Variants in SNAP91 observed in about 807,000 individuals in gnomAD.
The protein encoded by SNAP91 is clathrin coat assembly protein AP180.
In SNAP91, 27 loss-of-function variants were observed where a neutral mutation model predicts 100.3. The observed-to-expected ratio is 0.27, with a 90% CI of 0.20 to 0.37. SNAP91 has a LOEUF of 0.37. Ranked by LOEUF, SNAP91 falls within the 10% of genes least tolerant of loss-of-function variation. SNAP91 has a pLI of 1.00. For synonymous variants in SNAP91, 404 were observed against 398.6 expected (o/e 1.01, Z -0.16); for missense variants, 986 against 1,123.7 (o/e 0.88, Z 1.75).
chr6:83,660,854 C>T (rs947211289), intron 5 of SNAP91, among the ~76,000 whole-genome samples: 1 of 151,730 alleles, frequency 6.6e-6, no homozygotes, highest in Non-Finnish European at 1.5e-5. Flanking sequence ...ACATAGCTCA[C>T]TGTAGCCTCA....
chr6:83,655,229 T>C (rs1303616696), intron 7 of SNAP91, among the ~76,000 whole-genome samples: 2 of 152,200 alleles, frequency 1.3e-5, no homozygotes, highest in African/African-American at 2.4e-5. Context: ...TTTTGTACCT[T>C]GCACTCTTTG....
chr6:83,675,075 C>T (rs1192037262), intron 2 of SNAP91, among the ~76,000 whole-genome samples: 1 of 151,992 alleles, frequency 6.6e-6, no homozygotes, highest in Non-Finnish European at 1.5e-5. Flanking sequence ...TAAATGAGAA[C>T]AAAGGAGGGG....
At chr6:83,586,336 A>G (rs1006157270) in intron 22 of SNAP91, among the ~76,000 whole-genome samples, 1 of 152,214 alleles carries the variant, frequency 6.6e-6, no homozygotes, top group African/African-American at 2.4e-5. Flanking sequence ...TGGTTAAGAG[A>G]ACAAATGCAA....
chr6:83,634,479 G>T (rs1203675771), intron 8 of SNAP91, among the ~76,000 whole-genome samples: 1 of 152,108 alleles, frequency 6.6e-6, no homozygotes, highest in East Asian at 1.9e-4. Flanking sequence ...TTTCTTCAGG[G>T]AGTCTGTGGG....
At position 83,708,934 on chromosome 6, in the gene SNAP91, T is replaced by C. The variant is rs217282; in HGVS notation, c.-120A>G. 0.96 allele frequency: 146,689 copies of C among 152,088 alleles called. 70,757 individuals carry two copies. The highest frequency in any genetic ancestry group is 0.97 in the African/African-American group (40,408 of 41,522). The allele number at this position is 152,088 out of a possible 1,614,324, so 9.4% of individuals were successfully genotyped here. A position where few individuals can be genotyped will look rare whatever the true frequency, so the allele number is the denominator to read the frequency against. On this transcript the variant is annotated 5_prime_UTR_variant, in exon 1 of 30. Transcript: ENST00000369694. ...GCCGGTGGATGTGTGCGACCGCGCG[T>C]AGCCCCGGTGCCCCCGGGCGCAAAG...
Position 83,568,473 on chromosome 6 carries a change from A to T in SNAP91, c.2442+6537T>A, listed in dbSNP as rs897535326. On this transcript the variant is annotated intron_variant, in intron 26 of 29. Transcript: ENST00000369694. ...AGAAACCTGCACGTTGTGCACATTA[A>T]AGTATAATAATAATAATAATAATAA... Among the ~76,000 whole-genome samples, 16 of 79,796 alleles carry T rather than the reference A, an allele frequency of 2.0e-4. No individual in the cohort carries two copies. In the East Asian group the frequency reaches 7.1e-3, roughly 35 times the overall value. 52.3% of individuals were successfully genotyped at this position (79,796 alleles called of 152,430 possible).
intron 8 of SNAP91, among the ~76,000 whole-genome samples, chr6:83,629,145 T>A (rs2097101351): frequency 6.6e-6 from 1 of 152,080 alleles, no homozygotes; most frequent in Non-Finnish European, 1.5e-5. Flanking sequence ...TTGTTTTTGT[T>A]GGCTTTGTTG....
intron 2 of SNAP91, among the ~76,000 whole-genome samples, chr6:83,680,857 C>G (rs779590137): frequency 2.6e-5 from 4 of 152,104 alleles, no homozygotes; most frequent in African/African-American, 9.7e-5. Context: ...TGTTTGCCTA[C>G]AGTAAGAATT....
At chr6:83,596,718 ATGT>A (rs1208450394) in intron 16 of SNAP91, among the ~76,000 whole-genome samples, 2 of 151,900 alleles carry the variant, frequency 1.3e-5, no homozygotes, top group African/African-American at 4.8e-5. Context: ...TCAAAACATC[ATGT>A]TGTACATTAT....
intron 2 of SNAP91, among the ~76,000 whole-genome samples, chr6:83,684,392 C>A (rs1160130851): frequency 3.3e-5 from 5 of 152,176 alleles, no homozygotes; most frequent in Non-Finnish European, 7.3e-5. Flanking sequence ...ACAAGAACCC[C>A]CATGCTCTTT....
chr6:83,577,462 A>G (rs1172167417), intron 24 of SNAP91, among the ~76,000 whole-genome samples: 1 of 152,224 alleles, frequency 6.6e-6, no homozygotes, highest in African/African-American at 2.4e-5. Context: ...ATGCCTGTTC[A>G]TGTGAAAAAG....
At chr6:83,587,206 T>A (rs1582523045) in intron 22 of SNAP91, among the ~76,000 whole-genome samples, 1 of 152,160 alleles carries the variant, frequency 6.6e-6, no homozygotes, top group South Asian at 2.1e-4. Flanking sequence ...TTTAATTATA[T>A]CATATATTTA....
chr6:83,607,170 A>G (rs2095667724), intron 13 of SNAP91, among the ~76,000 whole-genome samples: 1 of 152,140 alleles, frequency 6.6e-6, no homozygotes. Context: ...GAGGCTAGAG[A>G]TTTCAAAGAA....
At chr6:83,614,751 G>T in intron 11 of SNAP91, 106 bp downstream of exon 11, 1 of 805,810 alleles carries the variant, frequency 1.2e-6, no homozygotes, top group Non-Finnish European at 1.9e-6. Context: ...AAAAGGGACA[G>T]AAATCAGTTT....
chr6:83,649,556 GGAGT>G (rs1170371864), intron 7 of SNAP91, among the ~76,000 whole-genome samples: 2 of 152,042 alleles, frequency 1.3e-5, no homozygotes, highest in African/African-American at 2.4e-5. Flanking sequence ...GAAGGTGATA[GGAGT>G]TAGTTCATAC....
At chr6:83,598,947 T>A (rs1784582877) in intron 16 of SNAP91, among the ~76,000 whole-genome samples, 1 of 152,108 alleles carries the variant, frequency 6.6e-6, no homozygotes, top group South Asian at 2.1e-4. Context: ...ATAAAATAAT[T>A]ATGATGTGAT....
At chr6:83,599,712 A>C (rs141665163) in intron 16 of SNAP91, among the ~76,000 whole-genome samples, 15 of 152,296 alleles carry the variant, frequency 9.8e-5, no homozygotes, top group African/African-American at 3.6e-4. Context: ...ATGTAAGCTA[A>C]AATTTAAATT....
At chr6:83,604,107 T>C (rs2095466026) in intron 14 of SNAP91, among the ~76,000 whole-genome samples, 1 of 152,200 alleles carries the variant, frequency 6.6e-6, no homozygotes, top group Admixed American at 6.5e-5. Flanking sequence ...TTATCTTCAG[T>C]TTCATGCCAG....
At chr6:83,657,291 C>T (rs548373776) in intron 6 of SNAP91, among the ~76,000 whole-genome samples, 2 of 152,238 alleles carry the variant, frequency 1.3e-5, no homozygotes, top group African/African-American at 4.8e-5. Context: ...CCTTAGTCAG[C>T]TACCTCTAAA....
Sources: allele counts gnomAD v4.1 joint callset (sites outside exome capture counted in the v4.1 genomes callset), GRCh38; gene constraint gnomAD v4.1.1; transcripts MANE v1.5; gene names NCBI Gene and HGNC (gene_info 2026-07-23, HGNC 2026-07-21).